The following PLEKHA2 variants were observed in gnomAD, a reference collection of about 807,000 sequenced individuals.
PLEKHA2 encodes the protein pleckstrin homology domain containing A2, also known as pleckstrin homology domain-containing family A member 2.
Under a neutral mutation model 53.2 loss-of-function variants are expected in PLEKHA2, and 28 were observed. The observed-to-expected ratio is 0.53, with a 90% CI of 0.39 to 0.72. The LOEUF is 0.72. Among genes scored for constraint, PLEKHA2 ranks in the 30% least tolerant of loss-of-function variants. The probability of loss-of-function intolerance (pLI) is 0.00; values close to 1 mark genes in which losing one functional copy is unlikely to be tolerated. For synonymous variants in PLEKHA2, 193 were observed against 196.4 expected (o/e 0.98, Z 0.14); for missense variants, 426 against 537.9 (o/e 0.79, Z 2.06).
At chr8:38,938,788 G>T (rs1419639511) in intron 3 of PLEKHA2, among the ~76,000 whole-genome samples, 1 of 152,194 alleles carries the variant, frequency 6.6e-6, no homozygotes. Flanking sequence ...GGCCTCACTG[G>T]AGTCAGACGG....
chr8:38,916,518 G>A (rs374372844), intron 1 of PLEKHA2, among the ~76,000 whole-genome samples: 18 of 152,154 alleles, frequency 1.2e-4, no homozygotes, highest in African/African-American at 4.3e-4. Context: ...GACATGTGAT[G>A]TCTGTCTTTC....
At chr8:38,963,519 T>C (rs1288616527) in intron 10 of PLEKHA2, among the ~76,000 whole-genome samples, 1 of 152,210 alleles carries the variant, frequency 6.6e-6, no homozygotes, top group African/African-American at 2.4e-5. Context: ...AATTTTTGCA[T>C]ACAATTTTGG....
intron 2 of PLEKHA2, among the ~76,000 whole-genome samples, chr8:38,933,843 T>C (rs1834441910): frequency 7.9e-6 from 1 of 126,982 alleles, no homozygotes; most frequent in Non-Finnish European, 1.7e-5. Flanking sequence ...AATGTGTAAA[T>C]AGAAGTGTAA....
At chr8:38,917,206 T>G (rs1554554779) in intron 1 of PLEKHA2, among the ~76,000 whole-genome samples, 2 of 152,204 alleles carry the variant, frequency 1.3e-5, no homozygotes. Context: ...TTTGCCGATT[T>G]TTCTCCCATT....
intron 1 of PLEKHA2, among the ~76,000 whole-genome samples, chr8:38,905,018 T>G (rs776163601): frequency 6.6e-6 from 1 of 152,194 alleles, no homozygotes; most frequent in Admixed American, 6.5e-5. Flanking sequence ...CCCTGAAGAC[T>G]TAAGCAACTT....
chr8:38,924,498 G>A (rs1268926235), intron 2 of PLEKHA2, among the ~76,000 whole-genome samples: 2 of 152,194 alleles, frequency 1.3e-5, no homozygotes, highest in African/African-American at 4.8e-5. Context: ...CTGAGCAAGG[G>A]ATGGTTTCAC....
At chr8:38,969,355 C>A in intron 11 of PLEKHA2, 66 bp from the exon 12 acceptor site, 1 of 1,547,048 alleles carries the variant, frequency 6.5e-7, no homozygotes, top group Non-Finnish European at 8.7e-7. Flanking sequence ...TTCTGGGACT[C>A]TGTGATAAAC....
At chr8:38,969,294 G>A (rs918076394) in intron 11 of PLEKHA2, 127 bp from the exon 12 acceptor site, 5 of 1,143,566 alleles carry the variant, frequency 4.4e-6, no homozygotes, top group African/African-American at 1.6e-5. Flanking sequence ...TTTCATTTTT[G>A]TAGGCAAGCA....
At position 38,921,053 on chromosome 8, in the gene PLEKHA2, G is replaced by A. The variant is rs1834183560; in HGVS notation, c.141+2983G>A. On this transcript the variant is annotated intron_variant, in intron 2 of 11. Transcript: ENST00000617275. ...TGACGTCAGGTGATCCACCGGCCTC[G>A]GCCTCCCAAAGTGCTGGGATTACAG... 5.9e-5 allele frequency among the ~76,000 whole-genome samples: 9 copies of A among 152,170 alleles called. No individual in the cohort carries two copies. The South Asian group carries it at 8.3e-4, about 14-fold the overall frequency.
At chr8:38,951,469 GTTTTTTTT>G (rs144541661) in intron 6 of PLEKHA2, among the ~76,000 whole-genome samples, 136 of 91,822 alleles carry the variant, frequency 1.5e-3, no homozygotes, top group Non-Finnish European at 2.5e-3. Context: ...ATTTATTTAA[GTTTTTTTT>G]TTTTTTTTTT....
chr8:38,968,726 C>A, intron 11 of PLEKHA2, 57 bp downstream of exon 11: 1 of 1,581,120 alleles, frequency 6.3e-7, no homozygotes, highest in South Asian at 1.1e-5. Context: ...TCCTCTCAAG[C>A]AGGCATGTTT....
intron 2 of PLEKHA2, among the ~76,000 whole-genome samples, chr8:38,929,663 G>T (rs763808156): frequency 5.9e-5 from 9 of 152,180 alleles, no homozygotes; most frequent in Non-Finnish European, 1.3e-4. Context: ...CATGTCTGGC[G>T]CATCATAATT....
Position 38,971,781 on chromosome 8 carries a change from A to T in PLEKHA2, c.*1998A>T, listed in dbSNP as rs1835254150. On this transcript the variant is annotated 3_prime_UTR_variant, in exon 12 of 12. Transcript: ENST00000617275. ...CCGCGGTGAAACCCCGTCTCTACTA[A>T]AAATACGAAAAAAAAATTAGCCGGG... 1 of 152,184 alleles carries T rather than the reference A, an allele frequency of 6.6e-6. No individual in the cohort carries two copies. The highest frequency in any genetic ancestry group is 6.5e-5 in the Admixed American group (1 of 15,282). 9.4% of individuals were successfully genotyped at this position (152,184 alleles called of 1,614,324 possible). A position where few individuals can be genotyped will look rare whatever the true frequency, so the allele number is the denominator to read the frequency against.
At chr8:38,968,778 C>A in intron 11 of PLEKHA2, 109 bp downstream of exon 11, 1 of 1,023,364 alleles carries the variant, frequency 9.8e-7, no homozygotes. Context: ...CGAGGTGCAG[C>A]TGAAGCCCCA....
chr8:38,953,414 C>T, intron 9 of PLEKHA2, 47 bp downstream of exon 9: 2 of 1,499,942 alleles, frequency 1.3e-6, no homozygotes, highest in Non-Finnish European at 1.9e-6. Context: ...TCCATTTGTC[C>T]TCTTAAATCT....
intron 9 of PLEKHA2, among the ~76,000 whole-genome samples, chr8:38,955,503 C>A (rs1298622435): frequency 6.6e-6 from 1 of 152,108 alleles, no homozygotes; most frequent in Non-Finnish European, 1.5e-5. Flanking sequence ...TCAAGGGGGT[C>A]CTCTTATTTG....
At chr8:38,965,853 C>T (rs1213298542) in intron 10 of PLEKHA2, among the ~76,000 whole-genome samples, 3 of 152,166 alleles carry the variant, frequency 2.0e-5, no homozygotes, top group Non-Finnish European at 2.9e-5. Context: ...TCTGTGCGTT[C>T]GGCCCTGTTT....
intron 1 of PLEKHA2, among the ~76,000 whole-genome samples, chr8:38,916,466 G>A (rs965306416): frequency 2.0e-5 from 3 of 151,478 alleles, no homozygotes; most frequent in Non-Finnish European, 4.4e-5. Context: ...CTATCTCCAT[G>A]AGTTCAATTG....
chr8:38,952,811 A>T, intron 8 of PLEKHA2, 107 bp downstream of exon 8: 1 of 1,155,800 alleles, frequency 8.7e-7, no homozygotes, highest in Non-Finnish European at 1.3e-6. Context: ...GCACACAAAG[A>T]CTTCAAAGGC....
Sources: gnomAD v4.1 joint callset for allele counts (sites outside exome capture counted in the v4.1 genomes callset) on GRCh38, gnomAD v4.1.1 for gene constraint, MANE v1.5 for transcripts, NCBI Gene and HGNC (gene_info 2026-07-23, HGNC 2026-07-21) for gene names.